CENPK: variants seen among roughly 807,000 people sequenced by gnomAD.
The protein encoded by CENPK is SoxLZ/Sox6-binding protein Solt.
A neutral mutation model predicts 40.9 loss-of-function variants in CENPK; 46 were observed. The observed-to-expected ratio is 1.13, with a 90% CI of 0.89 to 1.44. CENPK has a LOEUF of 1.44. Among genes scored for constraint, CENPK ranks in the 40% most tolerant of loss-of-function variants. The pLI is 0.00. For missense variants in CENPK, 288 were observed against 303.5 expected (o/e 0.95, Z 0.38); for synonymous variants, 107 against 104.4 (o/e 1.02, Z -0.15).
chr5:65,508,899 A>AACCATTAATAAATACAATGCCATT, the CENPK span, among the ~76,000 whole-genome samples: 1 of 152,182 alleles, frequency 6.6e-6, no homozygotes, highest in South Asian at 2.1e-4. Context: ...CTATGAAAGA[A>AACCATTAATAAATACAATGCCATT]ACCATTAATA....
the CENPK span, among the ~76,000 whole-genome samples, chr5:65,498,681 ACAGGGTCTCACTCCACC>A: frequency 4.6e-5 from 6 of 131,738 alleles, no homozygotes; most frequent in African/African-American, 1.5e-4. Context: ...CTTTTTTGAG[ACAGGGTCTCACTCCACC>A]CAGGGTGGAG....
chr5:65,537,203 T>C (rs1747067639), intron 6 of CENPK, among the ~76,000 whole-genome samples: 1 of 152,262 alleles, frequency 6.6e-6, no homozygotes, highest in Non-Finnish European at 1.5e-5. Context: ...TGGGAGAAGC[T>C]TACAGGAGTT....
downstream of CENPK, among the ~76,000 whole-genome samples, chr5:65,515,204 A>ATTTTTTTTTTTTT (rs1554102335): frequency 7.3e-4 from 91 of 124,046 alleles, 2 homozygotes; most frequent in African/African-American, 1.7e-3. Flanking sequence ...TCTCAAAAAA[A>ATTTTTTTTTTTTT]TTTTTTTTTT....
At chr5:65,558,224 G>C (rs1284733237) in intron 2 of CENPK, among the ~76,000 whole-genome samples, 1 of 152,186 alleles carries the variant, frequency 6.6e-6, no homozygotes, top group African/African-American at 2.4e-5. Flanking sequence ...GGGAGATATA[G>C]GGTTAAAAGA....
intron 2 of CENPK, among the ~76,000 whole-genome samples, chr5:65,556,820 T>C (rs1430907883): frequency 6.6e-6 from 1 of 151,940 alleles, no homozygotes; most frequent in Non-Finnish European, 1.5e-5. Context: ...TTTCATACCA[T>C]TTTTTTTACT....
chr5:65,536,687 A>T (rs1381824546), intron 6 of CENPK, among the ~76,000 whole-genome samples: 1 of 151,888 alleles, frequency 6.6e-6, no homozygotes, highest in African/African-American at 2.4e-5. Flanking sequence ...TTCTGAGAAA[A>T]TGTCCATGTA....
At chr5:65,551,970 T>C (rs1750152532) in intron 4 of CENPK, among the ~76,000 whole-genome samples, 1 of 151,456 alleles carries the variant, frequency 6.6e-6, no homozygotes, top group Admixed American at 6.6e-5. Flanking sequence ...ATTTTTTTTT[T>C]TTTTTTTTTG....
intron 2 of CENPK, among the ~76,000 whole-genome samples, chr5:65,560,265 T>C (rs1444684458): frequency 2.0e-5 from 3 of 151,802 alleles, no homozygotes; most frequent in Admixed American, 6.6e-5. Flanking sequence ...TTCCTTAATA[T>C]ATAACAAGTG....
intron 9 of CENPK, among the ~76,000 whole-genome samples, 161 bp downstream of exon 9, chr5:65,528,290 GA>G (rs1335301086): frequency 8.1e-6 from 1 of 123,824 alleles, no homozygotes; most frequent in Non-Finnish European, 1.6e-5. Flanking sequence ...CCATTTTATT[GA>G]ATAATTAGGT....
chr5:65,526,202 A>C (rs1349094957), intron 9 of CENPK, among the ~76,000 whole-genome samples: 2 of 123,998 alleles, frequency 1.6e-5, no homozygotes, highest in Admixed American at 8.8e-5. Context: ...AGCAACAAAA[A>C]AATGTTGAAA....
intron 9 of CENPK, 64 bp downstream of exon 9, chr5:65,528,388 T>C (rs1718306605): frequency 6.7e-7 from 1 of 1,488,920 alleles, no homozygotes; most frequent in East Asian, 2.3e-5. Flanking sequence ...AAAATATGCT[T>C]CTAAACCCAC....
chr5:65,555,759 C>T (rs777405822), intron 2 of CENPK, among the ~76,000 whole-genome samples: 2 of 152,192 alleles, frequency 1.3e-5, no homozygotes, highest in Non-Finnish European at 2.9e-5. Flanking sequence ...TGAATTATTA[C>T]GTTGCCAGTT....
At chr5:65,521,137 T>C (rs1461113485) in intron 10 of CENPK, among the ~76,000 whole-genome samples, 1 of 151,996 alleles carries the variant, frequency 6.6e-6, no homozygotes, top group East Asian at 1.9e-4. Context: ...AGCATAGAAT[T>C]TTACTCTGTA....
At position 65,554,853 on chromosome 5, in the gene CENPK, T is replaced by G. The variant is rs1348543974; in HGVS notation, c.55A>C (p.Asn19His). The change falls in exon 3 of 11, where the codon AAT becomes CAT. Residue 19 changes from asparagine to histidine, a missense_variant. Coordinates refer to ENST00000396679, the MANE Select transcript of CENPK (RefSeq NM_022145.5). ...DSTTDVGDVT[N>H]TEEELIRECE... Reference sequence around the variant, plus strand: ...TCTCTAATAAGTTCTTCTTCAGTATTTGTAACATCTCCCACATCTGTAGTA... The same window carrying G: ...TCTCTAATAAGTTCTTCTTCAGTATGTGTAACATCTCCCACATCTGTAGTA... The G allele has an allele frequency of 3.7e-6, 6 of 1,605,974 alleles. No individual in the cohort carries two copies. The highest frequency in any genetic ancestry group is 5.1e-6 in the Non-Finnish European group (6 of 1,172,792).
chr5:65,554,659 G>A (rs1750688171), intron 3 of CENPK, 138 bp downstream of exon 3: 1 of 599,782 alleles, frequency 1.7e-6, no homozygotes, highest in Admixed American at 3.2e-5. Context: ...AATGCTGATA[G>A]GTCTAAAAGC....
At chr5:65,508,484 C>G in the CENPK span, among the ~76,000 whole-genome samples, 1 of 152,042 alleles carries the variant, frequency 6.6e-6, no homozygotes, top group African/African-American at 2.4e-5. Context: ...CATACACGAA[C>G]ATAAAAGTTA....
chr5:65,521,894 G>A (rs753067246), intron 9 of CENPK, among the ~76,000 whole-genome samples: 6 of 152,158 alleles, frequency 3.9e-5, no homozygotes, highest in Non-Finnish European at 8.8e-5. Flanking sequence ...GAGCCACCGC[G>A]TTTGGCCAAG....
chr5:65,558,884 A>G (rs1250144212), intron 2 of CENPK, among the ~76,000 whole-genome samples: 1 of 152,232 alleles, frequency 6.6e-6, no homozygotes, highest in African/African-American at 2.4e-5. Flanking sequence ...AAGAATTATG[A>G]TAGTAGTACT....
At chr5:65,542,396 T>A (rs1030226353) in intron 6 of CENPK, among the ~76,000 whole-genome samples, 6 of 152,204 alleles carry the variant, frequency 3.9e-5, no homozygotes, top group African/African-American at 1.4e-4. Context: ...CCCAGCACTT[T>A]GGGAGACTGA....
Sources: allele counts gnomAD v4.1 joint callset (sites outside exome capture counted in the v4.1 genomes callset), GRCh38; gene constraint gnomAD v4.1.1; transcripts MANE v1.5; gene names NCBI Gene and HGNC (gene_info 2026-07-23, HGNC 2026-07-21).